INSC: variants seen among roughly 807,000 people sequenced by gnomAD.
INSC encodes the protein INSC spindle orientation adaptor protein, also known as protein inscuteable homolog.
Under a neutral mutation model 58.6 loss-of-function variants are expected in INSC, and 67 were observed. That is an observed-to-expected ratio of 1.14 (90% CI 0.94 to 1.40). INSC has a LOEUF of 1.40. INSC is among the 40% of genes most tolerant of loss of function. INSC has a pLI of 0.00. For synonymous variants in INSC, 262 were observed against 276.1 expected, an observed-to-expected ratio of 0.95 and a Z score of 0.51; for missense variants, 714 against 692.0, an observed-to-expected ratio of 1.03 and a Z score of -0.36.
At chr11:15,118,707 T>G (rs1847795938) in intron 1 of INSC, among the ~76,000 whole-genome samples, 1 of 152,182 alleles carries the variant, frequency 6.6e-6, no homozygotes, top group Non-Finnish European at 1.5e-5. Context: ...ATTTTCACAC[T>G]ATTTAGACTC....
At chr11:15,239,807 G>C (rs1441974456) in intron 11 of INSC, among the ~76,000 whole-genome samples, 2 of 152,196 alleles carry the variant, frequency 1.3e-5, no homozygotes, top group African/African-American at 2.4e-5. Flanking sequence ...CCTCTGCTGT[G>C]GTTTGATGGG....
intron 1 of INSC, among the ~76,000 whole-genome samples, chr11:15,136,483 G>T (rs1848248832): frequency 6.6e-6 from 1 of 151,930 alleles, no homozygotes; most frequent in African/African-American, 2.4e-5. Flanking sequence ...GTGTTTGATA[G>T]CATTTTACCT....
At chr11:15,168,552 C>A (rs1278066911) in intron 2 of INSC, among the ~76,000 whole-genome samples, 1 of 152,190 alleles carries the variant, frequency 6.6e-6, no homozygotes, top group African/African-American at 2.4e-5. Context: ...GGAAGAGCAG[C>A]ACAGAGAACT....
At chr11:15,245,261 A>G (rs1177410992) in intron 12 of INSC, among the ~76,000 whole-genome samples, 10 of 152,176 alleles carry the variant, frequency 6.6e-5, no homozygotes, top group Non-Finnish European at 4.4e-5. Flanking sequence ...GACAATAGGC[A>G]GGAGCAGGAA....
At chr11:15,215,641 T>C (rs77701284) in intron 7 of INSC, among the ~76,000 whole-genome samples, 1,981 of 152,320 alleles carry the variant, frequency 0.013, 52 homozygotes, top group African/African-American at 0.046. Flanking sequence ...AGTAAACTGC[T>C]GTGTGTTAGG....
At chr11:15,144,543 A>G (rs1197372751) in intron 1 of INSC, among the ~76,000 whole-genome samples, 9 of 152,160 alleles carry the variant, frequency 5.9e-5, no homozygotes, top group Non-Finnish European at 7.4e-5. Flanking sequence ...CCCTGTTCCT[A>G]GAGCTGCCGC....
the INSC span, among the ~76,000 whole-genome samples, chr11:15,258,850 G>A: frequency 3.3e-5 from 5 of 152,094 alleles, no homozygotes; most frequent in African/African-American, 1.2e-4. Context: ...AATGAGGCAG[G>A]ACATCTAGGG....
At position 15,219,071 on chromosome 11, in the gene INSC, T is replaced by C. The variant is rs1851336308; in HGVS notation, c.820-2406T>C. On this transcript the variant is annotated intron_variant, in intron 7 of 12. Coordinates refer to ENST00000379556, the MANE Select transcript of INSC (RefSeq NM_001042536.3). The stretch of plus-strand genomic sequence containing the variant: ...GACAAAGGAGCAGAGAATCACACTG[T>C]ATTAGTGCTTCTCTGAATTGCTGGC... Among the ~76,000 whole-genome samples, 3 of 152,066 alleles carry C rather than the reference T, an allele frequency of 2.0e-5. No homozygotes were observed. The South Asian group carries it at 6.2e-4, about 32-fold the overall frequency.
At chr11:15,215,010 A>T (rs147141455) in intron 7 of INSC, among the ~76,000 whole-genome samples, 4 of 152,352 alleles carry the variant, frequency 2.6e-5, no homozygotes, top group African/African-American at 9.6e-5. Context: ...GTATTTCATT[A>T]TAGCAGCATA....
intron 1 of INSC, among the ~76,000 whole-genome samples, chr11:15,128,359 A>T (rs985018137): frequency 2.6e-5 from 4 of 152,206 alleles, no homozygotes; most frequent in African/African-American, 9.7e-5. Context: ...TTTTCATGGA[A>T]TCATATGGGG....
intron 12 of INSC, among the ~76,000 whole-genome samples, chr11:15,241,888 T>G (rs547601560): frequency 1.3e-5 from 2 of 152,342 alleles, no homozygotes; most frequent in East Asian, 3.9e-4. Context: ...ATGTGGACCA[T>G]AAATGGTATT....
chr11:15,216,746 T>G (rs1318596487), intron 7 of INSC, among the ~76,000 whole-genome samples: 1 of 152,170 alleles, frequency 6.6e-6, no homozygotes, highest in Non-Finnish European at 1.5e-5. Context: ...AGGTTCCTGG[T>G]GAGGTCTCAG....
upstream of INSC, among the ~76,000 whole-genome samples, chr11:15,113,508 G>C (rs527275168): frequency 5.3e-5 from 8 of 152,172 alleles, no homozygotes; most frequent in Non-Finnish European, 1.2e-4. Context: ...GACTCAGAGA[G>C]AAGATTCTGC....
intron 11 of INSC, among the ~76,000 whole-genome samples, chr11:15,239,957 C>G (rs1490933271): frequency 6.6e-6 from 1 of 152,184 alleles, no homozygotes; most frequent in Non-Finnish European, 1.5e-5. Flanking sequence ...CAAGACCTTA[C>G]AGAAGATGGA....
intron 5 of INSC, among the ~76,000 whole-genome samples, chr11:15,181,353 G>A (rs771337845): frequency 3.5e-4 from 53 of 152,266 alleles, no homozygotes; most frequent in South Asian, 6.2e-4. Context: ...AATGCAATTC[G>A]AGAAACATTC....
At chr11:15,240,188 C>T (rs187386927) in intron 11 of INSC, among the ~76,000 whole-genome samples, 28 of 152,126 alleles carry the variant, frequency 1.8e-4, no homozygotes, top group African/African-American at 6.0e-4. Context: ...AAAAAAAAGA[C>T]ACAGTTAGGA....
the INSC span, among the ~76,000 whole-genome samples, chr11:15,269,428 G>A: frequency 6.6e-6 from 1 of 151,920 alleles, no homozygotes; most frequent in East Asian, 1.9e-4. Context: ...ATGGTGTAAT[G>A]CTTTCAACTT....
At chr11:15,152,371 A>G (rs893523098) in intron 2 of INSC, among the ~76,000 whole-genome samples, 2 of 152,174 alleles carry the variant, frequency 1.3e-5, no homozygotes, top group African/African-American at 4.8e-5. Context: ...TGTGTTAGAA[A>G]ATATTTTAAA....
intron 7 of INSC, among the ~76,000 whole-genome samples, chr11:15,204,195 AT>A (rs1850707511): frequency 3.9e-5 from 6 of 152,244 alleles, no homozygotes; most frequent in Admixed American, 3.9e-4. Flanking sequence ...CAAGTCATTT[AT>A]TCCTTGCCAT....
Sources: gnomAD v4.1 joint callset for allele counts (sites outside exome capture counted in the v4.1 genomes callset) on GRCh38, gnomAD v4.1.1 for gene constraint, MANE v1.5 for transcripts, NCBI Gene and HGNC (gene_info 2026-07-23, HGNC 2026-07-21) for gene names.